The following GAD2 variants were observed in gnomAD, a reference collection of about 807,000 sequenced individuals.
GAD2 encodes the protein glutamate decarboxylase 2.
GAD2 carries 22 observed loss-of-function variants against 80.1 expected under a neutral mutation model. The observed-to-expected ratio is 0.27, with a 90% CI of 0.20 to 0.39. The LOEUF (loss-of-function observed/expected upper bound fraction) is 0.39, where lower values mean the gene tolerates loss of function less well. Among genes scored for constraint, GAD2 ranks in the 10% least tolerant of loss-of-function variants. GAD2 has a pLI of 1.00. For missense variants in GAD2, 624 were observed against 738.4 expected (o/e 0.85, Z 1.80); for synonymous variants, 274 against 256.9 (o/e 1.07, Z -0.64).
rs8190759 is a variant in GAD2, at chr10:26,282,152, A to G, written c.1236+1065A>G. On this transcript the variant is annotated intron_variant, in intron 12 of 15. Transcript: ENST00000376261. The stretch of plus-strand genomic sequence containing the variant: ...GAGACAGGGTTTTCACATGTTGGCC[A>G]GGCTGGTCAAGAGCTCCTGGCCTCA... 3.5e-4 allele frequency among the ~76,000 whole-genome samples: 54 copies of G among 152,278 alleles called. 1 individual carries two copies. In the South Asian group the frequency reaches 9.1e-3, roughly 26 times the overall value.
chr10:26,257,260 C>T lies in GAD2; in HGVS notation c.920+11260C>T, dbSNP rs149921519. ...GGCATGGTGGTGGGCACCTGTAATC[C>T]CAGCTACTTGGGAGGCTGAGGCAGG... On this transcript the variant is annotated intron_variant, in intron 8 of 15. Transcript: ENST00000376261. 6.4e-3 allele frequency among the ~76,000 whole-genome samples: 967 copies of T among 152,104 alleles called. 14 individuals are homozygous for T. Among genetic ancestry groups the T allele is most frequent in the African/African-American group, 0.022 (907 of 41,496 alleles).
Position 26,223,980 on chromosome 10 carries a change from A to G in GAD2, c.611+3A>G. The G allele has an allele frequency of 6.3e-7, 1 of 1,591,210 alleles. No individual in the cohort carries two copies. On this transcript the variant is annotated splice_donor_region_variant and intron_variant, in intron 5 of 15. Coordinates refer to ENST00000376261, the MANE Select transcript of GAD2 (RefSeq NM_001134366.2). ...ACATCAACAGCAAATACTAACATGT[A>G]AGTAGCCAAATGTGTTTTTATGTAA... is the stretch of plus-strand genomic sequence containing the variant.
intron 12 of GAD2, among the ~76,000 whole-genome samples, chr10:26,282,430 T>G (rs529481403): frequency 6.6e-6 from 1 of 151,362 alleles, no homozygotes; most frequent in East Asian, 1.9e-4. Context: ...TTTCTAGAAA[T>G]AAATATATTT....
intron 7 of GAD2, among the ~76,000 whole-genome samples, chr10:26,233,371 CTCTT>C (rs1844630365): frequency 6.6e-6 from 1 of 152,196 alleles, no homozygotes; most frequent in Non-Finnish European, 1.5e-5. Flanking sequence ...TTGTGACTCT[CTCTT>C]TCTACCAAAA....
chr10:26,236,277 G>A (rs1475658278), intron 7 of GAD2, among the ~76,000 whole-genome samples: 1 of 151,274 alleles, frequency 6.6e-6, no homozygotes, highest in Non-Finnish European at 1.5e-5. Context: ...CACATCTTCA[G>A]AAAGATGACT....
chr10:26,270,789 G>A (rs779956403), intron 10 of GAD2, 33 bp downstream of exon 10: 76 of 1,332,772 alleles, frequency 5.7e-5, no homozygotes, highest in Non-Finnish European at 7.7e-5. Context: ...CCACTAAAAC[G>A]TCCTTGCACG....
intron 12 of GAD2, among the ~76,000 whole-genome samples, chr10:26,285,835 T>A (rs1029827968): frequency 1.3e-5 from 2 of 152,048 alleles, no homozygotes; most frequent in Non-Finnish European, 2.9e-5. Context: ...AGCTATGATT[T>A]CCAAAGGGAG....
intron 9 of GAD2, 49 bp downstream of exon 9, chr10:26,269,222 C>G: frequency 7.0e-7 from 1 of 1,436,536 alleles, no homozygotes; most frequent in Non-Finnish European, 9.5e-7. Flanking sequence ...TATTTCCATC[C>G]ACCGGAGAAC....
Position 26,216,856 on chromosome 10 carries a change from G to C in GAD2, c.47G>C (p.Gly16Ala). The C allele has an allele frequency of 6.2e-7, 1 of 1,612,254 alleles. No individual in the cohort carries two copies. The highest frequency in any genetic ancestry group is 8.5e-7 in the Non-Finnish European group (1 of 1,179,278). ...TTTTGGTCTTTCGGGTCGGAAGATG[G>C]CTCTGGGGATTCCGAGAATCCCGGC... ...SGFWSFGSEDGSGDSENPGTA... is the reference protein window; with the variant it reads ...SGFWSFGSEDASGDSENPGTA... Residue 16 changes from glycine to alanine, a missense_variant, in exon 1 of 16, where the codon GGC becomes GCC. Gly to Ala is a moderately conservative substitution (Grantham distance 60, BLOSUM62 0). Coordinates refer to ENST00000376261, the MANE Select transcript of GAD2 (RefSeq NM_001134366.2). The surrounding 1 kb of genome is among the most constrained non-coding windows in gnomAD (Gnocchi z 4.7).
intron 8 of GAD2, among the ~76,000 whole-genome samples, chr10:26,261,305 T>G (rs1217600370): frequency 6.6e-6 from 1 of 152,234 alleles, no homozygotes; most frequent in Non-Finnish European, 1.5e-5. Context: ...TGTTATTATT[T>G]AAGTAGTTGA....
At chr10:26,223,030 A>C (rs144562405) in intron 4 of GAD2, among the ~76,000 whole-genome samples, 11 of 152,382 alleles carry the variant, frequency 7.2e-5, no homozygotes, top group African/African-American at 2.4e-4. Context: ...CATATTTATA[A>C]TCACATTTTA....
intron 12 of GAD2, among the ~76,000 whole-genome samples, chr10:26,283,687 G>A (rs1381054573): frequency 1.3e-5 from 2 of 152,188 alleles, no homozygotes; most frequent in East Asian, 3.8e-4. Context: ...AAACTGTGGG[G>A]ACCATTTGGT....
At chr10:26,236,302 CTT>C (rs201706752) in intron 7 of GAD2, among the ~76,000 whole-genome samples, 16 of 137,404 alleles carry the variant, frequency 1.2e-4, no homozygotes, top group Non-Finnish European at 6.2e-5. Context: ...TTTCTTTTTT[CTT>C]TTTTTTTTTT....
intron 8 of GAD2, among the ~76,000 whole-genome samples, chr10:26,246,274 C>G (rs907301387): frequency 6.6e-6 from 1 of 152,196 alleles, no homozygotes; most frequent in Non-Finnish European, 1.5e-5. Context: ...GAAAGACTTT[C>G]ATCACCTGGG....
rs1300221539 is a variant in GAD2 at position 26,262,419 on chromosome 10, A to G, written c.921-6700A>G. On this transcript the variant is annotated intron_variant, in intron 8 of 15. Transcript: ENST00000376261. The stretch of plus-strand genomic sequence containing the variant: ...TTAAAATATTAAAATATCTTTATTC[A>G]TAACATCTCTTTCATTTCAAATGTT... 2.0e-5 allele frequency among the ~76,000 whole-genome samples: 3 copies of G among 151,950 alleles called. No homozygotes were observed. The East Asian group carries it at 5.8e-4, about 29-fold the overall frequency.
intron 15 of GAD2, among the ~76,000 whole-genome samples, chr10:26,297,907 C>T (rs1834292398): frequency 6.6e-6 from 1 of 152,136 alleles, no homozygotes; most frequent in South Asian, 2.1e-4. Flanking sequence ...AATGAGTAAA[C>T]ATATATGTAA....
intron 13 of GAD2, among the ~76,000 whole-genome samples, chr10:26,291,473 T>A (rs1229873596): frequency 6.6e-6 from 1 of 151,172 alleles, no homozygotes; most frequent in Non-Finnish European, 1.5e-5. Flanking sequence ...CAGGGCAGCT[T>A]GTTCTTAAAC....
intron 11 of GAD2, among the ~76,000 whole-genome samples, chr10:26,274,312 G>A (rs933881307): frequency 1.3e-5 from 2 of 152,202 alleles, no homozygotes; most frequent in Admixed American, 6.5e-5. Context: ...GAAGACTGTT[G>A]AGAAAAGCTG....
intron 9 of GAD2, among the ~76,000 whole-genome samples, chr10:26,269,557 T>A (rs1425367408): frequency 6.6e-6 from 1 of 152,198 alleles, no homozygotes; most frequent in African/African-American, 2.4e-5. Flanking sequence ...GTTTTTCCCG[T>A]GTAGGTGCAT....
Sources: allele counts gnomAD v4.1 joint callset (sites outside exome capture counted in the v4.1 genomes callset), GRCh38; gene constraint gnomAD v4.1.1; non-coding constraint Gnocchi (gnomAD v3.1); transcripts MANE v1.5; gene names NCBI Gene and HGNC (gene_info 2026-07-23, HGNC 2026-07-21).